SV2C: variants seen among roughly 807,000 people sequenced by gnomAD.
The protein encoded by SV2C is synaptic vesicle glycoprotein 2C, also known as solute carrier family 22 member B3.
Under a neutral mutation model 79.7 loss-of-function variants are expected in SV2C, and 49 were observed. The ratio of observed to expected loss-of-function variants is 0.61; its 90% CI spans 0.49 to 0.78. The LOEUF is 0.78. Ranked by LOEUF, SV2C falls within the 30% of genes least tolerant of loss-of-function variation. The probability of loss-of-function intolerance (pLI) is 0.00; values close to 1 mark genes in which losing one functional copy is unlikely to be tolerated. For synonymous variants in SV2C, 334 were observed against 333.2 expected (o/e 1.00, Z -0.03); for missense variants, 833 against 912.9 (o/e 0.91, Z 1.13).
chr5:75,945,443 T>C, the SV2C span, among the ~76,000 whole-genome samples: 4 of 151,330 alleles, frequency 2.6e-5, no homozygotes, highest in Admixed American at 1.3e-4. Flanking sequence ...TCCCAAGTAG[T>C]TGGGACTACA....
In SV2C at chr5:76,326,216, T is replaced by A. The variant is rs969678114; in HGVS notation, c.*669T>A. On this transcript the variant is annotated 3_prime_UTR_variant, in exon 13 of 13. Coordinates refer to ENST00000502798, the MANE Select transcript of SV2C (RefSeq NM_014979.4). Reference sequence around the variant, plus strand: ...GCAAGATTTCTGTCAGAAAGCCCAATTAAACCTCTGAAAAGTGTGAGGAAA... The same window carrying A: ...GCAAGATTTCTGTCAGAAAGCCCAAATAAACCTCTGAAAAGTGTGAGGAAA... 6.6e-6 allele frequency: 1 copy of A among 152,194 alleles called. No individual in the cohort carries two copies. Among genetic ancestry groups the A allele is most frequent in the African/African-American group, 2.4e-5 (1 of 41,446 alleles). 9.4% of individuals were successfully genotyped at this position (152,194 alleles called of 1,614,324 possible). A position where few individuals can be genotyped will look rare whatever the true frequency, so the allele number is the denominator to read the frequency against.
chr5:76,292,998 G>A (rs1175895692), intron 8 of SV2C, among the ~76,000 whole-genome samples: 1 of 152,126 alleles, frequency 6.6e-6, no homozygotes. Context: ...CCAGGCAAGT[G>A]ATCTAAGGTG....
intron 1 of SV2C, among the ~76,000 whole-genome samples, chr5:76,111,235 A>T (rs1461709136): frequency 6.6e-6 from 1 of 152,058 alleles, no homozygotes; most frequent in East Asian, 1.9e-4. Flanking sequence ...AATCTATCAG[A>T]TCTGTCTGCT....
At chr5:75,954,882 A>G in the SV2C span, among the ~76,000 whole-genome samples, 8 of 143,880 alleles carry the variant, frequency 5.6e-5, no homozygotes, top group African/African-American at 2.0e-4. Flanking sequence ...CCACTGCTCA[A>G]GGAAATAAAA....
chr5:76,084,419 C>A (rs10050813), intron 1 of SV2C, among the ~76,000 whole-genome samples: 38,158 of 151,838 alleles, frequency 0.25, 5,237 homozygotes, highest in East Asian at 0.43. Flanking sequence ...ACTGGGAAGA[C>A]TTTTCTCCAG....
At chr5:76,126,007 T>C (rs907970913) in intron 1 of SV2C, among the ~76,000 whole-genome samples, 5 of 152,152 alleles carry the variant, frequency 3.3e-5, no homozygotes, top group Non-Finnish European at 7.3e-5. Flanking sequence ...CAGTGAGTCA[T>C]GATCATGCCA....
chr5:75,965,157 C>G, the SV2C span, among the ~76,000 whole-genome samples: 12 of 152,052 alleles, frequency 7.9e-5, no homozygotes, highest in African/African-American at 2.9e-4. Context: ...GTCAGAACTG[C>G]AGTTAAGGGG....
chr5:75,972,296 C>T, the SV2C span, among the ~76,000 whole-genome samples: 7 of 152,152 alleles, frequency 4.6e-5, no homozygotes, highest in East Asian at 7.7e-4. Flanking sequence ...ACACCAAAAG[C>T]GATGGACAAC....
rs57910684 is a variant in SV2C at position 76,150,626 on chromosome 5, C to CTTTT, written c.580+18322_580+18325dup. ...TATTCGTCTGTTTATTCATCAAATT[C>CTTTT]TTTTTTTTTTTTTTTTTTTTTTTTT... On this transcript the variant is annotated intron_variant, in intron 2 of 12. Coordinates refer to ENST00000502798, the MANE Select transcript of SV2C (RefSeq NM_014979.4). Among the ~76,000 whole-genome samples, 192 of 56,504 alleles carry CTTTT rather than the reference C, an allele frequency of 3.4e-3. 46 individuals are homozygous for CTTTT. The highest frequency in any genetic ancestry group is 0.03 in the East Asian group (46 of 1,552). 37.1% of individuals were successfully genotyped at this position (56,504 alleles called of 152,430 possible). A position where few individuals can be genotyped will look rare whatever the true frequency, so the allele number is the denominator to read the frequency against.
At chr5:76,074,941 A>G in the SV2C span, among the ~76,000 whole-genome samples, 3 of 152,234 alleles carry the variant, frequency 2.0e-5, no homozygotes, top group Non-Finnish European at 4.4e-5. Context: ...TGGAGTATCT[A>G]CTGTGTGCCA....
At chr5:75,933,189 C>A in the SV2C span, among the ~76,000 whole-genome samples, 4 of 152,298 alleles carry the variant, frequency 2.6e-5, no homozygotes, top group East Asian at 5.8e-4. Context: ...ACCCTACCCC[C>A]GCATCATCAC....
chr5:76,106,635 CA>C (rs1747927547), intron 1 of SV2C, among the ~76,000 whole-genome samples: 1 of 152,122 alleles, frequency 6.6e-6, no homozygotes. Flanking sequence ...GCCCCTGACT[CA>C]GGGATTTTGT....
chr5:76,276,349 G>A (rs1747021588), intron 4 of SV2C, among the ~76,000 whole-genome samples: 1 of 152,182 alleles, frequency 6.6e-6, no homozygotes, highest in Non-Finnish European at 1.5e-5. Context: ...TCACCCATCA[G>A]CCTTTGACCC....
At chr5:76,172,709 T>C (rs1743352037) in intron 2 of SV2C, among the ~76,000 whole-genome samples, 2 of 84,854 alleles carry the variant, frequency 2.4e-5, no homozygotes, top group Non-Finnish European at 4.5e-5. Context: ...CTAAGAAAAA[T>C]TCCTCTGCCT....
chr5:76,019,112 A>G, the SV2C span, among the ~76,000 whole-genome samples: 2 of 152,130 alleles, frequency 1.3e-5, no homozygotes, highest in African/African-American at 4.8e-5. Flanking sequence ...AAAAACCCCT[A>G]TCATTGGAAA....
Position 76,147,288 on chromosome 5 carries a change from A to G in SV2C, c.580+14958A>G, listed in dbSNP as rs905092075. Among the ~76,000 whole-genome samples, 14 of 148,458 alleles carry G rather than the reference A, an allele frequency of 9.4e-5. No individual in the cohort carries two copies. In the East Asian group the frequency reaches 2.4e-3, roughly 25 times the overall value. ...CTTTTGGAGGTGAGTGGGTGCTCCT[A>G]GTCACACTCAGAGATAGGGAGGGCT... On this transcript the variant is annotated intron_variant, in intron 2 of 12. Transcript: ENST00000502798.
At chr5:76,039,025 C>T in the SV2C span, among the ~76,000 whole-genome samples, 1 of 152,186 alleles carries the variant, frequency 6.6e-6, no homozygotes, top group Non-Finnish European at 1.5e-5. Context: ...TAAAAAGATG[C>T]TGGCTATTTT....
upstream of SV2C, among the ~76,000 whole-genome samples, chr5:76,080,745 G>A (rs1746973615): frequency 6.6e-6 from 1 of 152,226 alleles, no homozygotes; most frequent in African/African-American, 2.4e-5. Context: ...GGAGAGCAAT[G>A]ACTTTAGAGT....
the SV2C span, among the ~76,000 whole-genome samples, chr5:75,985,185 TG>T: frequency 6.6e-6 from 1 of 152,016 alleles, no homozygotes; most frequent in Non-Finnish European, 1.5e-5. Context: ...AAAGAAATCC[TG>T]GAAGCTAGAC....
Sources: allele counts gnomAD v4.1 joint callset (sites outside exome capture counted in the v4.1 genomes callset), GRCh38; gene constraint gnomAD v4.1.1; transcripts MANE v1.5; gene names NCBI Gene and HGNC (gene_info 2026-07-23, HGNC 2026-07-21).